The following EEA1 variants were observed in gnomAD, a reference collection of about 807,000 sequenced individuals.
EEA1 encodes the protein early endosome antigen 1, 162kD.
In EEA1, 111 loss-of-function variants were observed where a neutral mutation model predicts 209.2. The ratio of observed to expected loss-of-function variants is 0.53; its 90% CI spans 0.45 to 0.62. The LOEUF is 0.62. EEA1 is among the 20% of genes least tolerant of loss of function. EEA1 has a pLI of 0.00. For missense variants in EEA1, 1,343 were observed against 1,530.8 expected, an observed-to-expected ratio of 0.88 and a Z score of 2.05; for synonymous variants, 536 against 540.6, an observed-to-expected ratio of 0.99 and a Z score of 0.12.
intron 1 of EEA1, among the ~76,000 whole-genome samples, chr12:92,928,568 G>C (rs1267114075): frequency 6.6e-6 from 1 of 152,230 alleles, no homozygotes; most frequent in Non-Finnish European, 1.5e-5. Flanking sequence ...AAGCAGGGCC[G>C]TGTGTGGCAG....
chr12:92,927,427 CTTCT>C (rs1881253619), intron 1 of EEA1, among the ~76,000 whole-genome samples: 1 of 152,218 alleles, frequency 6.6e-6, no homozygotes, highest in Non-Finnish European at 1.5e-5. Context: ...TCAACAGAAG[CTTCT>C]TTAACAGTTG....
At chr12:92,854,964 G>A (rs1877803094) in intron 5 of EEA1, among the ~76,000 whole-genome samples, 1 of 152,094 alleles carries the variant, frequency 6.6e-6, no homozygotes, top group African/African-American at 2.4e-5. Context: ...TCCCTTTTAA[G>A]CACTGTGAAC....
At chr12:92,847,541 C>T (rs1398947378) in intron 9 of EEA1, among the ~76,000 whole-genome samples, 1 of 152,022 alleles carries the variant, frequency 6.6e-6, no homozygotes, top group African/African-American at 2.4e-5. Flanking sequence ...TATGACACAA[C>T]TCAAAAGTAT....
At chr12:92,777,511 A>G (rs1308398324) in intron 27 of EEA1, 32 bp downstream of exon 27, 38 of 1,578,604 alleles carry the variant, frequency 2.4e-5, no homozygotes, top group Non-Finnish European at 3.2e-5. Context: ...ATTCTAGACT[A>G]AAAAACTGCT....
At position 92,929,082 on chromosome 12, in the gene EEA1, C is replaced by T; in HGVS notation, c.-16G>A. 1 of 1,587,558 alleles carries T rather than the reference C, an allele frequency of 6.3e-7. No homozygotes were observed. The highest frequency in any genetic ancestry group is 1.4e-5 in the African/African-American group (1 of 72,670). ...TCCTTAACATGGTTTAACCACCACC[C>T]GGCGCCGCCGCGGTGACTCTCCAGA... On this transcript the variant is annotated 5_prime_UTR_variant, in exon 1 of 29. Transcript: ENST00000322349.
intron 1 of EEA1, among the ~76,000 whole-genome samples, chr12:92,913,427 T>C (rs1880651888): frequency 6.6e-6 from 1 of 152,222 alleles, no homozygotes; most frequent in South Asian, 2.1e-4. Context: ...AGATTCCGGA[T>C]GTTAGTCCTT....
chr12:92,779,194 T>C lies in EEA1; in HGVS notation c.3575A>G (p.Asn1192Ser). The change falls in exon 25 of 29, where the codon AAT (asparagine) becomes AGT (serine). Residue 1192 changes from asparagine to serine, a missense_variant. Transcript: ENST00000322349. ...CACCTGGTCTTTTAGTATCTGCTGA[T>C]TTCTCTTCTCCTGTTCAACAGCTGC... ...LKAAVEQEKR[N>S]QQILKDQVKK... is the part of the protein sequence containing the mutation. 1 of 1,611,892 alleles carries C rather than the reference T, an allele frequency of 6.2e-7. No individual in the cohort carries two copies. The highest frequency in any genetic ancestry group is 8.5e-7 in the Non-Finnish European group (1 of 1,179,414).
intron 2 of EEA1, among the ~76,000 whole-genome samples, chr12:92,867,413 T>C (rs1455572611): frequency 6.6e-6 from 1 of 152,172 alleles, no homozygotes; most frequent in East Asian, 1.9e-4. Context: ...TTCTATATTG[T>C]ATATTTATTC....
At chr12:92,841,364 A>G (rs1049741673) in intron 10 of EEA1, among the ~76,000 whole-genome samples, 2 of 152,204 alleles carry the variant, frequency 1.3e-5, no homozygotes, top group Non-Finnish European at 2.9e-5. Context: ...GAAAACTCTT[A>G]TAAGAAAACA....
At chr12:92,872,883 G>C (rs528190560) in intron 2 of EEA1, among the ~76,000 whole-genome samples, 4 of 152,126 alleles carry the variant, frequency 2.6e-5, no homozygotes, top group African/African-American at 4.8e-5. Flanking sequence ...AACCCGGGAG[G>C]GGGGAGGTTG....
chr12:92,802,369 A>T, intron 19 of EEA1, 35 bp downstream of exon 19: 1 of 1,498,502 alleles, frequency 6.7e-7, no homozygotes, highest in Non-Finnish European at 8.9e-7. Flanking sequence ...TAAAATAATC[A>T]CTTCTACCTA....
At chr12:92,864,763 A>G in intron 3 of EEA1, 97 bp downstream of exon 3, 1 of 1,188,162 alleles carries the variant, frequency 8.4e-7, no homozygotes, top group Non-Finnish European at 1.1e-6. Flanking sequence ...AAATAATACA[A>G]AAAGGTTACT....
chr12:92,886,202 A>T (rs1879376447), intron 2 of EEA1, among the ~76,000 whole-genome samples: 1 of 150,776 alleles, frequency 6.6e-6, no homozygotes, highest in South Asian at 2.1e-4. Context: ...TTGAAAAAAA[A>T]AAAAAACAAT....
Position 92,816,787 on chromosome 12 carries a change from CTA to C in EEA1, c.1729-389_1729-388del, listed in dbSNP as rs1337157761. Among the ~76,000 whole-genome samples the C allele has an allele frequency of 3.3e-3, 479 of 147,024 alleles. 1 individual carries two copies. Among genetic ancestry groups the C allele is most frequent in the African/African-American group, 0.013 (461 of 36,506 alleles). On this transcript the variant is annotated intron_variant, in intron 14 of 28. Transcript: ENST00000322349. ...TGCAGTCATTCCTCCCATCCCATCT[CTA>C]ACTCCAGCCAATCACTGATTTGGTT...
rs369304955 is a variant in EEA1, at chr12:92,802,632, T to G, written c.2442A>C (p.Gln814His). The G allele has an allele frequency of 2.8e-5, 45 of 1,605,326 alleles. No individual in the cohort carries two copies. Among genetic ancestry groups the G allele is most frequent in the Non-Finnish European group, 2.7e-5 (32 of 1,177,564 alleles). ...KQEEEKKILK[Q>H]DFETLSQETK... ...TTTCTTGACTTAAAGTTTCAAAATCTTGTTTCAGGATTTTTTTTTCTTCCT... is the reference window on the plus strand; with the variant it reads ...TTTCTTGACTTAAAGTTTCAAAATCGTGTTTCAGGATTTTTTTTTCTTCCT... Residue 814 changes from glutamine (Q) to histidine (H), a missense_variant, in exon 19 of 29, where the codon CAA (glutamine) becomes CAC (histidine). Gln to His is a conservative substitution (Grantham distance 24). Around this residue, in one of 3 missense-constraint regions of EEA1, gnomAD observed 1,307 missense variants for 1,465.5 expected, o/e 0.89. Coordinates refer to ENST00000322349, the MANE Select transcript of EEA1 (RefSeq NM_003566.4).
At chr12:92,878,138 C>T (rs1289244787) in intron 2 of EEA1, among the ~76,000 whole-genome samples, 5 of 152,122 alleles carry the variant, frequency 3.3e-5, no homozygotes, top group Admixed American at 2.0e-4. Context: ...CAGTGGCTCA[C>T]ACTTGTAATC....
At chr12:92,804,348 G>A (rs1287348791) in intron 18 of EEA1, among the ~76,000 whole-genome samples, 1 of 151,972 alleles carries the variant, frequency 6.6e-6, no homozygotes, top group Non-Finnish European at 1.5e-5. Flanking sequence ...CAAGGTGGGC[G>A]GATCACAAGG....
At chr12:92,922,205 G>A (rs1881036552) in intron 1 of EEA1, among the ~76,000 whole-genome samples, 1 of 152,244 alleles carries the variant, frequency 6.6e-6, no homozygotes, top group East Asian at 1.9e-4. Flanking sequence ...CACTTGGGAA[G>A]TCCAGACCTC....
chr12:92,918,958 C>G (rs1880879386), intron 1 of EEA1, among the ~76,000 whole-genome samples: 1 of 134,852 alleles, frequency 7.4e-6, no homozygotes, highest in Non-Finnish European at 1.6e-5. Flanking sequence ...TCAGAGAATA[C>G]TACAAACACC....
Sources: gnomAD v4.1 joint callset for allele counts (sites outside exome capture counted in the v4.1 genomes callset) on GRCh38, gnomAD v4.1.1 for gene constraint, gnomAD v4.1.1 regional missense constraint, MANE v1.5 for transcripts, NCBI Gene and HGNC (gene_info 2026-07-23, HGNC 2026-07-21) for gene names.